Variants in NYAP2 observed in about 807,000 individuals in gnomAD.
The protein encoded by NYAP2 is neuronal tyrosine-phosphorylated phosphoinositide-3-kinase adaptor 2.
Under a neutral mutation model 50.4 loss-of-function variants are expected in NYAP2, and 23 were observed. That is an observed-to-expected ratio of 0.46 (90% confidence interval 0.33 to 0.65). The LOEUF (loss-of-function observed/expected upper bound fraction) is 0.65, where lower values mean the gene tolerates loss of function less well. Among genes scored for constraint, NYAP2 ranks in the 30% least tolerant of loss-of-function variants. The pLI is 0.02. For synonymous variants in NYAP2, 394 were observed against 365.2 expected (o/e 1.08, Z -0.90); for missense variants, 885 against 861.0 (o/e 1.03, Z -0.35).
chr2:225,557,387 A>G (rs1198782319), intron 4 of NYAP2, among the ~76,000 whole-genome samples: 3 of 152,146 alleles, frequency 2.0e-5, no homozygotes, highest in Non-Finnish European at 4.4e-5. Context: ...AAAGGTCTCC[A>G]ATTTCATGAA....
chr2:225,567,633 G>T (rs1400240038), intron 4 of NYAP2, among the ~76,000 whole-genome samples: 2 of 152,076 alleles, frequency 1.3e-5, no homozygotes, highest in Non-Finnish European at 2.9e-5. Context: ...GCAAGAAGAA[G>T]AAGAGAAGGA....
intron 4 of NYAP2, among the ~76,000 whole-genome samples, chr2:225,530,785 G>GT (rs1691241148): frequency 6.6e-6 from 1 of 152,098 alleles, no homozygotes. Context: ...TTCCTCCATG[G>GT]TTTTTTATCT....
the NYAP2 span, among the ~76,000 whole-genome samples, chr2:225,695,790 A>T: frequency 1.3e-5 from 2 of 151,944 alleles, no homozygotes; most frequent in Non-Finnish European, 2.9e-5. Flanking sequence ...ACACAAACTT[A>T]TTCATTAGAT....
intron 3 of NYAP2, among the ~76,000 whole-genome samples, chr2:225,434,613 C>G (rs1201087259): frequency 6.6e-6 from 1 of 152,196 alleles, no homozygotes; most frequent in Non-Finnish European, 1.5e-5. Flanking sequence ...CTGCATAACA[C>G]CAGCTGGTAT....
intron 3 of NYAP2, among the ~76,000 whole-genome samples, chr2:225,431,050 T>C (rs1455120954): frequency 6.6e-6 from 1 of 152,232 alleles, no homozygotes; most frequent in Non-Finnish European, 1.5e-5. Context: ...TCCAAATTAT[T>C]ACATCATTTA....
chr2:225,670,773 G>A, the NYAP2 span, among the ~76,000 whole-genome samples: 2 of 152,016 alleles, frequency 1.3e-5, no homozygotes, highest in African/African-American at 4.8e-5. Flanking sequence ...ATACCTTGGA[G>A]GTATCATGGG....
At chr2:225,681,815 G>T in the NYAP2 span, among the ~76,000 whole-genome samples, 1 of 152,058 alleles carries the variant, frequency 6.6e-6, no homozygotes, top group Non-Finnish European at 1.5e-5. Context: ...CAGTCCCTTT[G>T]GGCATGTTTC....
At chr2:225,508,475 C>A (rs1029311481) in intron 3 of NYAP2, among the ~76,000 whole-genome samples, 4 of 152,126 alleles carry the variant, frequency 2.6e-5, no homozygotes, top group African/African-American at 9.7e-5. Context: ...CAGTTCAGGT[C>A]TCCCAGGAAG....
chr2:225,544,089 A>G (rs1420111544), intron 4 of NYAP2, among the ~76,000 whole-genome samples: 5 of 152,026 alleles, frequency 3.3e-5, no homozygotes, highest in Non-Finnish European at 7.4e-5. Context: ...AGTTCCTGAT[A>G]TAAGTATATG....
chr2:225,650,190 G>A (rs1402931085), intron 6 of NYAP2, among the ~76,000 whole-genome samples: 2 of 152,148 alleles, frequency 1.3e-5, no homozygotes, highest in Non-Finnish European at 2.9e-5. Flanking sequence ...GGAGTGGAAG[G>A]CAATTGATGG....
the NYAP2 span, among the ~76,000 whole-genome samples, chr2:225,677,332 A>G: frequency 6.6e-5 from 10 of 152,280 alleles, no homozygotes; most frequent in Admixed American, 1.3e-4. Flanking sequence ...AGGGTTTCCT[A>G]TGCATAGAAT....
intron 5 of NYAP2, among the ~76,000 whole-genome samples, chr2:225,594,012 T>C (rs1025107534): frequency 2.0e-5 from 3 of 152,158 alleles, no homozygotes; most frequent in Non-Finnish European, 1.5e-5. Flanking sequence ...GGGAAAGATA[T>C]AAAGAATATG....
intron 4 of NYAP2, among the ~76,000 whole-genome samples, chr2:225,533,119 C>A (rs1032862524): frequency 5.3e-5 from 8 of 152,164 alleles, no homozygotes; most frequent in Non-Finnish European, 1.0e-4. Flanking sequence ...AAGATGGCTT[C>A]TCAGAGGAAG....
At chr2:225,670,184 T>C in the NYAP2 span, among the ~76,000 whole-genome samples, 1 of 152,300 alleles carries the variant, frequency 6.6e-6, no homozygotes, top group African/African-American at 2.4e-5. Context: ...ACAGTTGGTG[T>C]ACATAGATGC....
At chr2:225,495,748 G>T (rs114138977) in intron 3 of NYAP2, among the ~76,000 whole-genome samples, 1 of 152,070 alleles carries the variant, frequency 6.6e-6, no homozygotes, top group African/African-American at 2.4e-5. Flanking sequence ...CAGTGTCGCC[G>T]CATTATGTAA....
At chr2:225,702,434 C>A in the NYAP2 span, 1 of 151,610 alleles carries the variant, frequency 6.6e-6, no homozygotes, top group Non-Finnish European at 1.5e-5. Flanking sequence ...ATTATGCAAT[C>A]ATCAATATTT....
chr2:225,439,682 T>C (rs1426097100), intron 3 of NYAP2, among the ~76,000 whole-genome samples: 1 of 152,048 alleles, frequency 6.6e-6, no homozygotes, highest in Non-Finnish European at 1.5e-5. Context: ...CTTCAATAAA[T>C]GGGGAAGGGT....
chr2:225,631,520 G>A (rs1693315665), intron 6 of NYAP2, among the ~76,000 whole-genome samples: 1 of 152,194 alleles, frequency 6.6e-6, no homozygotes, highest in Non-Finnish European at 1.5e-5. Context: ...TAGAAGAAAT[G>A]CAAAACAGAG....
chr2:225,535,538 A>G (rs1382976871), intron 4 of NYAP2, among the ~76,000 whole-genome samples: 2 of 152,184 alleles, frequency 1.3e-5, no homozygotes, highest in African/African-American at 2.4e-5. Context: ...ATGAGATTGG[A>G]GAGGAAAAAG....
Sources: gnomAD v4.1 joint callset for allele counts (sites outside exome capture counted in the v4.1 genomes callset) on GRCh38, gnomAD v4.1.1 for gene constraint, MANE v1.5 for transcripts, NCBI Gene and HGNC (gene_info 2026-07-23, HGNC 2026-07-21) for gene names.